The following ADGRB3 variants were observed in gnomAD, a reference collection of about 807,000 sequenced individuals.
The protein encoded by ADGRB3 is brain-specific angiogenesis inhibitor 3.
Under a neutral mutation model 193.4 loss-of-function variants are expected in ADGRB3, and 37 were observed. The ratio of observed to expected loss-of-function variants is 0.19; its 90% confidence interval spans 0.15 to 0.25. The LOEUF is 0.25. Ranked by LOEUF, ADGRB3 falls within the 10% of genes least tolerant of loss-of-function variation. ADGRB3 has a pLI of 1.00. For synonymous variants in ADGRB3, 690 were observed against 644.2 expected, an observed-to-expected ratio of 1.07 and a Z score of -1.08; for missense variants, 1,637 against 1,852.9, an observed-to-expected ratio of 0.88 and a Z score of 2.14.
At chr6:69,244,032 G>T (rs1043632720) in intron 20 of ADGRB3, among the ~76,000 whole-genome samples, 1 of 151,988 alleles carries the variant, frequency 6.6e-6, no homozygotes, top group African/African-American at 2.4e-5. Context: ...GATAGATAAA[G>T]GGAAGTTTCT....
chr6:68,956,892 G>A, intron 8 of ADGRB3, 83 bp downstream of exon 8: 2 of 1,477,490 alleles, frequency 1.4e-6, no homozygotes, highest in Non-Finnish European at 1.8e-6. Context: ...CATTGGTTAA[G>A]GGTCATATTC....
At chr6:69,230,397 A>T (rs1343987928) in intron 17 of ADGRB3, among the ~76,000 whole-genome samples, 1 of 152,192 alleles carries the variant, frequency 6.6e-6, no homozygotes, top group Non-Finnish European at 1.5e-5. Context: ...CATGTTCAGA[A>T]ATCTTGCCCT....
intron 20 of ADGRB3, among the ~76,000 whole-genome samples, chr6:69,268,926 A>G (rs554455583): frequency 9.2e-5 from 14 of 152,156 alleles, no homozygotes; most frequent in African/African-American, 2.9e-4. Flanking sequence ...TTTTGGTTCA[A>G]ATGTTTCACA....
chr6:68,968,139 G>A (rs978910828), intron 8 of ADGRB3, among the ~76,000 whole-genome samples: 2 of 151,844 alleles, frequency 1.3e-5, no homozygotes, highest in Non-Finnish European at 2.9e-5. Context: ...AAAAAATGAA[G>A]CATTGACTTA....
At chr6:69,106,489 C>T (rs1396263698) in intron 17 of ADGRB3, among the ~76,000 whole-genome samples, 1 of 152,202 alleles carries the variant, frequency 6.6e-6, no homozygotes, top group Non-Finnish European at 1.5e-5. Flanking sequence ...GTACCCTCCT[C>T]CCTTCCATAA....
intron 3 of ADGRB3, among the ~76,000 whole-genome samples, chr6:68,720,837 C>T (rs553540381): frequency 6.6e-6 from 1 of 151,818 alleles, no homozygotes; most frequent in East Asian, 2.0e-4. Context: ...GTTGTTTCTG[C>T]TGTTACCTTT....
Position 69,248,965 on chromosome 6 carries a change from T to C in ADGRB3, c.2814+9739T>C, listed in dbSNP as rs889904032. 2.6e-5 allele frequency among the ~76,000 whole-genome samples: 4 copies of C among 152,198 alleles called. No homozygotes were observed. In the East Asian group the frequency reaches 7.7e-4, roughly 29 times the overall value. ...AGATGAAAAGGAGTGCAAAACACTTTGAATTTCTTCTTCTTCTTTTTCTTT... is the reference window on the plus strand; with the variant it reads ...AGATGAAAAGGAGTGCAAAACACTTCGAATTTCTTCTTCTTCTTTTTCTTT... On this transcript the variant is annotated intron_variant, in intron 20 of 31. Coordinates refer to ENST00000370598, the MANE Select transcript of ADGRB3 (RefSeq NM_001704.3).
chr6:69,227,991 C>G (rs754972544), intron 17 of ADGRB3, among the ~76,000 whole-genome samples: 2 of 152,166 alleles, frequency 1.3e-5, no homozygotes, highest in African/African-American at 4.8e-5. Flanking sequence ...TGTGGTGGCT[C>G]ACACCTGTAA....
chr6:69,227,249 G>A (rs141981974), intron 17 of ADGRB3, among the ~76,000 whole-genome samples: 34 of 152,280 alleles, frequency 2.2e-4, no homozygotes, highest in African/African-American at 6.7e-4. Context: ...TGGGAGTGGT[G>A]GGCGAATATA....
intron 20 of ADGRB3, among the ~76,000 whole-genome samples, chr6:69,255,042 A>C (rs917197790): frequency 4.0e-5 from 6 of 151,110 alleles, no homozygotes; most frequent in East Asian, 3.9e-4. Context: ...TGAACTCATC[A>C]TTTTTTATGG....
chr6:68,908,676 A>G (rs1383450766), intron 3 of ADGRB3, among the ~76,000 whole-genome samples: 4 of 152,192 alleles, frequency 2.6e-5, no homozygotes, highest in Non-Finnish European at 4.4e-5. Flanking sequence ...TTTGAACTCA[A>G]AGTGAAGTCA....
intron 3 of ADGRB3, among the ~76,000 whole-genome samples, chr6:68,784,646 C>T (rs1364183926): frequency 6.6e-6 from 1 of 152,070 alleles, no homozygotes; most frequent in Non-Finnish European, 1.5e-5. Flanking sequence ...TTTATATGAG[C>T]TTTAAACTTA....
intron 3 of ADGRB3, among the ~76,000 whole-genome samples, chr6:68,729,786 T>G (rs1765737248): frequency 6.6e-6 from 1 of 151,620 alleles, no homozygotes; most frequent in African/African-American, 2.4e-5. Context: ...GCTTTCTCTA[T>G]GCTTTATTGA....
At chr6:69,044,268 A>G (rs1771176036) in intron 13 of ADGRB3, among the ~76,000 whole-genome samples, 2 of 152,088 alleles carry the variant, frequency 1.3e-5, no homozygotes, top group African/African-American at 2.4e-5. Flanking sequence ...TCGCTCCTAG[A>G]CTTTTTCTTT....
chr6:69,135,212 A>G (rs1255972036), intron 17 of ADGRB3, among the ~76,000 whole-genome samples: 1 of 151,990 alleles, frequency 6.6e-6, no homozygotes, highest in East Asian at 1.9e-4. Context: ...ATTGTCCATT[A>G]TAGACTTCTT....
chr6:68,914,738 G>A (rs1018961093), intron 3 of ADGRB3, among the ~76,000 whole-genome samples: 1 of 152,178 alleles, frequency 6.6e-6, no homozygotes, highest in Non-Finnish European at 1.5e-5. Context: ...TCAAAGGTAT[G>A]TGGTTGTTAA....
intron 11 of ADGRB3, among the ~76,000 whole-genome samples, chr6:68,996,140 A>T (rs531915490): frequency 6.6e-6 from 1 of 152,202 alleles, no homozygotes; most frequent in South Asian, 2.1e-4. Context: ...TCCACTTTTT[A>T]AAAATAGAAT....
chr6:69,363,537 T>C (rs555635612), intron 29 of ADGRB3, among the ~76,000 whole-genome samples: 12 of 152,164 alleles, frequency 7.9e-5, no homozygotes, highest in African/African-American at 2.9e-4. Context: ...TTCAAGGTTA[T>C]AGAGCAAGTG....
At chr6:68,922,244 T>A (rs1767063822) in intron 3 of ADGRB3, among the ~76,000 whole-genome samples, 1 of 152,190 alleles carries the variant, frequency 6.6e-6, no homozygotes, top group Non-Finnish European at 1.5e-5. Context: ...TCATTTAATG[T>A]TTGTTGAATG....
Sources: gnomAD v4.1 joint callset for allele counts (sites outside exome capture counted in the v4.1 genomes callset) on GRCh38, gnomAD v4.1.1 for gene constraint, MANE v1.5 for transcripts, NCBI Gene and HGNC (gene_info 2026-07-23, HGNC 2026-07-21) for gene names.